Variants in KLHL1 observed in about 807,000 individuals in gnomAD.
The protein encoded by KLHL1 is kelch-like protein 1.
A neutral mutation model predicts 77.7 loss-of-function variants in KLHL1; 47 were observed. That is an observed-to-expected ratio of 0.60 (90% CI 0.48 to 0.77). The LOEUF (loss-of-function observed/expected upper bound fraction) is 0.77. Among genes scored for constraint, KLHL1 ranks in the 30% least tolerant of loss-of-function variants. The pLI, the probability that KLHL1 is intolerant of heterozygous loss-of-function variation, is 0.00. For missense variants in KLHL1, 925 were observed against 910.8 expected (o/e 1.02, Z -0.20); for synonymous variants, 360 against 325.2 (o/e 1.11, Z -1.15).
chr13:69,973,491 T>C (rs7325506), intron 2 of KLHL1, among the ~76,000 whole-genome samples: 92,816 of 151,128 alleles, frequency 0.61, 28,692 homozygotes, highest in Middle Eastern at 0.66. Flanking sequence ...TTATAATAGC[T>C]CCACAATTTT....
chr13:69,805,683 A>G (rs1453996982), intron 6 of KLHL1, among the ~76,000 whole-genome samples: 1 of 150,230 alleles, frequency 6.7e-6, no homozygotes, highest in Non-Finnish European at 1.5e-5. Context: ...GCTCTAGATG[A>G]AAAAAAACAA....
At chr13:69,734,856 C>T (rs367945848) in intron 8 of KLHL1, among the ~76,000 whole-genome samples, 37 of 152,154 alleles carry the variant, frequency 2.4e-4, no homozygotes, top group African/African-American at 8.9e-4. Context: ...CTTTCTCATG[C>T]TCAAGAAAAT....
chr13:69,983,885 T>A (rs1436232203), intron 1 of KLHL1, among the ~76,000 whole-genome samples: 1 of 140,290 alleles, frequency 7.1e-6, no homozygotes, highest in Non-Finnish European at 1.5e-5. Context: ...AATAAATAAA[T>A]CTATGCATTT....
At chr13:69,738,438 C>T (rs753765547) in intron 8 of KLHL1, among the ~76,000 whole-genome samples, 13 of 151,962 alleles carry the variant, frequency 8.6e-5, no homozygotes, top group Non-Finnish European at 1.3e-4. Context: ...AGATGGGTAA[C>T]AACAAACTTC....
intron 7 of KLHL1, among the ~76,000 whole-genome samples, chr13:69,783,590 A>C (rs1275058421): frequency 6.6e-6 from 1 of 151,738 alleles, no homozygotes; most frequent in Non-Finnish European, 1.5e-5. Flanking sequence ...TGGAAGATGA[A>C]ATGAATAAAA....
At chr13:69,874,301 C>G (rs1472822311) in intron 5 of KLHL1, among the ~76,000 whole-genome samples, 2 of 152,040 alleles carry the variant, frequency 1.3e-5, no homozygotes, top group Admixed American at 6.6e-5. Context: ...CCTTATCTCT[C>G]TATACTCACT....
At chr13:70,076,421 G>A (rs1364141657) in intron 1 of KLHL1, among the ~76,000 whole-genome samples, 3 of 146,174 alleles carry the variant, frequency 2.1e-5, no homozygotes, top group Non-Finnish European at 4.5e-5. Context: ...GGATCAACTG[G>A]ATTGCCATAT....
At chr13:70,091,022 G>A (rs907942043) in intron 1 of KLHL1, among the ~76,000 whole-genome samples, 6 of 151,636 alleles carry the variant, frequency 4.0e-5, no homozygotes, top group South Asian at 2.1e-4. Flanking sequence ...TTTTTACTTG[G>A]ATTTTCTATC....
At chr13:70,041,631 G>T in intron 1 of KLHL1, among the ~76,000 whole-genome samples, 1 of 152,222 alleles carries the variant, frequency 6.6e-6, no homozygotes, top group Admixed American at 6.5e-5. Flanking sequence ...CACAGTGGAG[G>T]GGTGGTCTTA....
chr13:70,092,204 G>T (rs903075819), intron 1 of KLHL1, among the ~76,000 whole-genome samples: 4 of 152,170 alleles, frequency 2.6e-5, no homozygotes, highest in Non-Finnish European at 5.9e-5. Flanking sequence ...TAATGTGTTT[G>T]TTGATTTAAG....
rs140373130 is a variant in KLHL1, at chr13:69,996,258, G to A, written c.498-20456C>T. 3.6e-3 allele frequency among the ~76,000 whole-genome samples: 541 copies of A among 151,826 alleles called. 5 individuals carry two copies. The highest frequency in any genetic ancestry group is 0.012 in the African/African-American group (513 of 41,418). ...TCAGAGGTTGCAGTGAGCCAAGATC[G>A]CACCATTGCACTTCAGCATGGTGAC... On this transcript the variant is annotated intron_variant, in intron 1 of 10. Transcript: ENST00000377844.
At chr13:69,740,870 G>A in intron 7 of KLHL1, among the ~76,000 whole-genome samples, 1 of 152,028 alleles carries the variant, frequency 6.6e-6, no homozygotes, top group East Asian at 1.9e-4. Context: ...TTATGACCTA[G>A]ATGCTTTATA....
At chr13:69,968,542 T>TA (rs55794521) in intron 2 of KLHL1, among the ~76,000 whole-genome samples, 258 of 146,366 alleles carry the variant, frequency 1.8e-3, no homozygotes, top group African/African-American at 5.0e-3. Context: ...GGTTGAAATT[T>TA]AAAAAAAAAA....
chr13:70,046,227 A>C (rs946588383), intron 1 of KLHL1, among the ~76,000 whole-genome samples: 1 of 152,190 alleles, frequency 6.6e-6, no homozygotes, highest in East Asian at 1.9e-4. Context: ...GAGAAAAAAA[A>C]AAATGTCATA....
At chr13:70,066,010 T>G (rs544725156) in intron 1 of KLHL1, among the ~76,000 whole-genome samples, 1 of 152,314 alleles carries the variant, frequency 6.6e-6, no homozygotes, top group South Asian at 2.1e-4. Flanking sequence ...CTAAAGACAT[T>G]GATAAATATT....
intron 3 of KLHL1, 99 bp from the exon 4 acceptor site, chr13:69,940,335 A>C: frequency 1.3e-6 from 1 of 771,194 alleles, no homozygotes; most frequent in Non-Finnish European, 1.9e-6. Flanking sequence ...GCTAGAACAG[A>C]TCTAAACTGA....
chr13:69,717,192 T>C (rs974027079), intron 9 of KLHL1, among the ~76,000 whole-genome samples: 2 of 152,162 alleles, frequency 1.3e-5, no homozygotes, highest in Non-Finnish European at 2.9e-5. Flanking sequence ...ATGTGATCTA[T>C]CCATCTCTCT....
chr13:69,826,085 A>G (rs1321278566), intron 6 of KLHL1, among the ~76,000 whole-genome samples: 2 of 152,218 alleles, frequency 1.3e-5, no homozygotes, highest in Non-Finnish European at 2.9e-5. Context: ...AGACAAATAC[A>G]GAATGATCTC....
chr13:69,802,474 G>A (rs566530046), intron 6 of KLHL1, among the ~76,000 whole-genome samples: 20 of 152,042 alleles, frequency 1.3e-4, no homozygotes, highest in South Asian at 4.1e-4. Context: ...TTCTGCCTCC[G>A]TAGAAAAAAG....
Sources: gnomAD v4.1 joint callset for allele counts (sites outside exome capture counted in the v4.1 genomes callset) on GRCh38, gnomAD v4.1.1 for gene constraint, MANE v1.5 for transcripts, NCBI Gene and HGNC (gene_info 2026-07-23, HGNC 2026-07-21) for gene names.